Variants in CYB5D1 observed in about 807,000 individuals in gnomAD.
CYB5D1 encodes the protein cytochrome b5 domain-containing protein 1.
In CYB5D1, 30 loss-of-function variants were observed where a neutral mutation model predicts 24.3. The ratio of observed to expected loss-of-function variants is 1.23; its 90% CI spans 0.92 to 1.67. The LOEUF (loss-of-function observed/expected upper bound fraction) is 1.67, where lower values mean the gene tolerates loss of function less well. CYB5D1 is among the 40% of genes most tolerant of loss of function. CYB5D1 has a pLI of 0.00. For missense variants in CYB5D1, 265 were observed against 296.7 expected, an observed-to-expected ratio of 0.89 and a Z score of 0.79; for synonymous variants, 128 against 123.2, an observed-to-expected ratio of 1.04 and a Z score of -0.26.
chr17:7,859,675 T>G lies in CYB5D1; in HGVS notation c.*63T>G. 6.6e-7 allele frequency: 1 copy of G among 1,507,646 alleles called. No homozygotes were observed. Among genetic ancestry groups the G allele is most frequent in the South Asian group, 1.1e-5 (1 of 87,984 alleles). 93.4% of individuals were successfully genotyped at this position (1,507,646 alleles called of 1,614,324 possible). A position where few individuals can be genotyped will look rare whatever the true frequency, so the allele number is the denominator to read the frequency against. On this transcript the variant is annotated 3_prime_UTR_variant, in exon 4 of 4. Transcript: ENST00000332439. ...TTCGAGTTTGGCTTTTTCTGTGCCT[T>G]GAGGAAAAGTGGTGGGGCCGAGGGG...
chr17:7,858,533 G>A, intron 2 of CYB5D1, 54 bp downstream of exon 2: 1 of 1,613,728 alleles, frequency 6.2e-7, no homozygotes. Context: ...GAGCGGGGAT[G>A]GGAAGGAAAG....
intron 3 of CYB5D1, 177 bp downstream of exon 3, chr17:7,859,001 G>A (rs2078860968): frequency 1.0e-5 from 6 of 596,736 alleles, no homozygotes; most frequent in South Asian, 7.4e-5. Flanking sequence ...AATTCTAGGA[G>A]TGTCTGGGTC....
chr17:7,858,665 C>CT lies in CYB5D1; in HGVS notation c.300dup (p.Val101CysfsTer27). 1 of 1,610,710 alleles carries CT rather than the reference C, an allele frequency of 6.2e-7. No individual in the cohort carries two copies. ...TGAGGTACTGCACCCCGCGGGGCCG[C>CT]TTTGTGCACGTTCCGCCTCAGCTGC... On this transcript the variant is annotated frameshift_variant, in exon 3 of 4. Transcript: ENST00000332439. LOFTEE classifies it high-confidence loss of function.
rs549870669 is a variant in CYB5D1, at chr17:7,862,020, T to C, written c.*2408T>C. On this transcript the variant is annotated 3_prime_UTR_variant, in exon 4 of 4. Transcript: ENST00000332439. ...GCCTGCAACACTCTTCCTTTCACTT[T>C]CCACCTAGCTGATCCTAAATGTTCC... is the stretch of plus-strand genomic sequence containing the variant. 7.2e-5 allele frequency: 11 copies of C among 152,374 alleles called. No homozygotes were observed. Among genetic ancestry groups the C allele is most frequent in the African/African-American group, 2.4e-4 (10 of 41,546 alleles). 9.4% of individuals were successfully genotyped at this position (152,374 alleles called of 1,614,324 possible). A position where few individuals can be genotyped will look rare whatever the true frequency, so the allele number is the denominator to read the frequency against.
rs748212630 is a variant in CYB5D1 at position 7,860,697 on chromosome 17, T to C, written c.*1085T>C. 2 of 152,216 alleles carry C rather than the reference T, an allele frequency of 1.3e-5. No individual in the cohort carries two copies. The highest frequency in any genetic ancestry group is 2.9e-5 in the Non-Finnish European group (2 of 68,046). 9.4% of individuals were successfully genotyped at this position (152,216 alleles called of 1,614,324 possible). On this transcript the variant is annotated 3_prime_UTR_variant, in exon 4 of 4. Coordinates refer to ENST00000332439, the MANE Select transcript of CYB5D1 (RefSeq NM_144607.6). ...CCTGCACAATAGGAAATTGTGGTCCTATTGTATAGTTTGCAGTTATTGTCT... is the reference window on the plus strand; with the variant it reads ...CCTGCACAATAGGAAATTGTGGTCCCATTGTATAGTTTGCAGTTATTGTCT...
At position 7,859,603 on chromosome 17, in the gene CYB5D1, G is replaced by A. The variant is rs372408463; in HGVS notation, c.678G>A (p.Thr226=). 3.0e-5 allele frequency: 49 copies of A among 1,613,844 alleles called. No individual in the cohort carries two copies. Among genetic ancestry groups the A allele is most frequent in the South Asian group, 1.2e-4 (11 of 91,072 alleles). The change falls in exon 4 of 4, where the codon ACG becomes ACA. Residue 226 remains threonine, a synonymous_variant. Transcript: ENST00000332439. The part of the protein sequence containing the change: ...AILLYFNDDL[T]EL ...TTCTGTACTTCAATGATGATCTCAC[G>A]GAGTTGTAGGCAAGGAGATGTACAC...
Position 7,858,387 on chromosome 17 carries a change from T to C in CYB5D1, c.161-16T>C. 6.2e-7 allele frequency: 1 copy of C among 1,613,574 alleles called. No homozygotes were observed. The highest frequency in any genetic ancestry group is 8.5e-7 in the Non-Finnish European group (1 of 1,179,978). ...GAAGGGCTGGCATTGACAGTGGCTG[T>C]GCTGCTCTTTTCAAGGGAACCTGCT... On this transcript the variant is annotated splice_polypyrimidine_tract_variant and intron_variant, in intron 1 of 3. Transcript: ENST00000332439.
chr17:7,859,683 AGTG>A lies in CYB5D1; in HGVS notation c.*76_*78del. On this transcript the variant is annotated 3_prime_UTR_variant, in exon 4 of 4. Transcript: ENST00000332439. ...TGGCTTTTTCTGTGCCTTGAGGAAA[AGTG>A]GTGGGGCCGAGGGGTGCCTGGACCC... The A allele has an allele frequency of 1.4e-6, 2 of 1,456,838 alleles. No individual in the cohort carries two copies. Among genetic ancestry groups the A allele is most frequent in the South Asian group, 1.2e-5 (1 of 86,208 alleles). 90.2% of individuals were successfully genotyped at this position (1,456,838 alleles called of 1,614,324 possible).
Position 7,860,143 on chromosome 17 carries a change from C to T in CYB5D1, c.*531C>T, listed in dbSNP as rs562752765. On this transcript the variant is annotated 3_prime_UTR_variant, in exon 4 of 4. Transcript: ENST00000332439. ...GATATTATACTAGGTACTTCATATA[C>T]CCTCTTTTTTTTTTTTGCCCCCAAC... is the stretch of plus-strand genomic sequence containing the variant. 1 of 150,518 alleles carries T rather than the reference C, an allele frequency of 6.6e-6. No individual in the cohort carries two copies. The highest frequency in any genetic ancestry group is 1.4e-5 in the Non-Finnish European group (1 of 69,882). The allele number at this position is 150,518 out of a possible 1,614,324, so 9.3% of individuals were successfully genotyped here.
In CYB5D1 at chr17:7,858,797, G is replaced by A; in HGVS notation, c.429G>A (p.Thr143=). The change falls in exon 3 of 4, where the codon ACG becomes ACA. Residue 143 remains threonine, a synonymous_variant. Coordinates refer to ENST00000332439, the MANE Select transcript of CYB5D1 (RefSeq NM_144607.6). ...AKTRSIRIIN[T]LTSQEHTLEV... ...CCCGGAGCATCCGCATCATTAACAC[G>A]CTCACGTCGCAGGAGCACACACTGG... 3.2e-6 allele frequency: 5 copies of A among 1,564,912 alleles called. No individual in the cohort carries two copies. The highest frequency in any genetic ancestry group is 3.5e-6 in the Non-Finnish European group (4 of 1,154,714).
rs527610167 is a variant in CYB5D1 at position 7,861,054 on chromosome 17, A to G, written c.*1442A>G. 11 of 152,302 alleles carry G rather than the reference A, an allele frequency of 7.2e-5. No individual in the cohort carries two copies. In the East Asian group the frequency reaches 2.1e-3, roughly 29 times the overall value. The allele number at this position is 152,302 out of a possible 1,614,324, so 9.4% of individuals were successfully genotyped here. A position where few individuals can be genotyped will look rare whatever the true frequency, so the allele number is the denominator to read the frequency against. The stretch of plus-strand genomic sequence containing the variant: ...AAACAGAGATGCTAACTAAGTCAGA[A>G]AACTCTCCTGGTGACCAAAAGAGAA... On this transcript the variant is annotated 3_prime_UTR_variant, in exon 4 of 4. Transcript: ENST00000332439.
chr17:7,859,062 T>C (rs1007641369), intron 3 of CYB5D1: 7 of 571,282 alleles, frequency 1.2e-5, no homozygotes, highest in Non-Finnish European at 2.2e-5. Context: ...AGTTCATGTA[T>C]CTTAGTGATG....
At position 7,859,841 on chromosome 17, in the gene CYB5D1, A is replaced by G; in HGVS notation, c.*229A>G. ...CTTTGGGAATGATACAAGAAGATCA[A>G]GTACCTTGGTTTAGGGAGATGTAGA... is the stretch of plus-strand genomic sequence containing the variant. On this transcript the variant is annotated 3_prime_UTR_variant, in exon 4 of 4. Transcript: ENST00000332439. 1.9e-6 allele frequency: 1 copy of G among 537,900 alleles called. No individual in the cohort carries two copies. 33.3% of individuals were successfully genotyped at this position (537,900 alleles called of 1,614,324 possible).
chr17:7,859,537 C>G lies in CYB5D1; in HGVS notation c.612C>G (p.Asp204Glu), dbSNP rs62059716. ...TCCGGGATGAGGAGGAAGAATTTGACTATCTCAGTATGGACGGTACACTTC... is the reference window on the plus strand; with the variant it reads ...TCCGGGATGAGGAGGAAGAATTTGAGTATCTCAGTATGGACGGTACACTTC... ...NGIRDEEEEF[D>E]YLSMDGTLHT... The change falls in exon 4 of 4, where the codon GAC (aspartate) becomes GAG (glutamate). Residue 204 changes from aspartate to glutamate, a missense_variant. Asp to Glu is a conservative substitution (Grantham distance 45). Coordinates refer to ENST00000332439, the MANE Select transcript of CYB5D1 (RefSeq NM_144607.6). 11 of 1,614,182 alleles carry G rather than the reference C, an allele frequency of 6.8e-6. No homozygotes were observed. The highest frequency in any genetic ancestry group is 9.3e-6 in the Non-Finnish European group (11 of 1,180,038).
At position 7,858,309 on chromosome 17, in the gene CYB5D1, T is replaced by C. The variant is rs1429295710; in HGVS notation, c.160+15T>C. 1.9e-6 allele frequency: 3 copies of C among 1,613,754 alleles called. No individual in the cohort carries two copies. The highest frequency in any genetic ancestry group is 2.5e-6 in the Non-Finnish European group (3 of 1,179,886). ...GGAATACAAGGGTAAGGGCCACACG[T>C]TGGGCCGGGGCCGGAGTGTGTGTGT... On this transcript the variant is annotated intron_variant, in intron 1 of 3. Coordinates refer to ENST00000332439, the MANE Select transcript of CYB5D1 (RefSeq NM_144607.6).
At position 7,858,293 on chromosome 17, in the gene CYB5D1, G is replaced by A. The variant is rs954571958; in HGVS notation, c.159G>A (p.Lys53=). 1.2e-6 allele frequency: 2 copies of A among 1,613,924 alleles called. No individual in the cohort carries two copies. The highest frequency in any genetic ancestry group is 1.7e-6 in the Non-Finnish European group (2 of 1,179,902). ...TAACGTCATTGGCACAGGAATACAA[G>A]GGTAAGGGCCACACGTTGGGCCGGG... ...YDLTSLAQEY[K]GNLLLKPIVE... The change falls in exon 1 of 4, where the codon AAG becomes AAA. Residue 53 remains lysine, a splice_region_variant and synonymous_variant. Transcript: ENST00000332439.
chr17:7,858,381 T>G (rs370222052), intron 1 of CYB5D1, 22 bp from the exon 2 acceptor site: 1 of 1,614,112 alleles, frequency 6.2e-7, no homozygotes, highest in South Asian at 1.1e-5. Flanking sequence ...GCATTGACAG[T>G]GGCTGTGCTG....
chr17:7,859,023 A>G, intron 3 of CYB5D1, 199 bp downstream of exon 3: 1 of 572,090 alleles, frequency 1.7e-6, no homozygotes, highest in Admixed American at 3.4e-5. Flanking sequence ...CAGGGGGACA[A>G]GAGACTCCTT....
chr17:7,859,166 G>A (rs2078862682), intron 3 of CYB5D1: 1 of 600,908 alleles, frequency 1.7e-6, no homozygotes, highest in Admixed American at 3.0e-5. Context: ...GGGGACAGTT[G>A]ACCCTTTATG....
Sources: allele counts gnomAD v4.1 joint callset, GRCh38; gene constraint gnomAD v4.1.1; transcripts MANE v1.5; gene names NCBI Gene and HGNC (gene_info 2026-07-23, HGNC 2026-07-21).